The following ERBB4 variants were observed in gnomAD, a reference collection of about 807,000 sequenced individuals.
The protein encoded by ERBB4 is erb-b2 receptor tyrosine kinase 4.
Under a neutral mutation model 158.0 loss-of-function variants are expected in ERBB4, and 42 were observed. The ratio of observed to expected loss-of-function variants is 0.27; its 90% CI spans 0.21 to 0.34. The LOEUF (loss-of-function observed/expected upper bound fraction) is 0.34, where lower values mean the gene tolerates loss of function less well. Among genes scored for constraint, ERBB4 ranks in the 10% least tolerant of loss-of-function variants. The pLI is 1.00. For synonymous variants in ERBB4, 583 were observed against 558.7 expected (o/e 1.04, Z -0.61); for missense variants, 1,333 against 1,624.1 (o/e 0.82, Z 3.08).
At chr2:211,551,114 A>G (rs1209089073) in intron 20 of ERBB4, among the ~76,000 whole-genome samples, 1 of 152,166 alleles carries the variant, frequency 6.6e-6, no homozygotes, top group East Asian at 1.9e-4. Flanking sequence ...GAAATAATCA[A>G]TGACTTGTCC....
chr2:212,027,350 G>C (rs1370520370), intron 2 of ERBB4, among the ~76,000 whole-genome samples: 1 of 151,948 alleles, frequency 6.6e-6, no homozygotes, highest in Non-Finnish European at 1.5e-5. Context: ...GAAAATCAAA[G>C]GTGCATAAGT....
chr2:211,748,396 C>T (rs76010379), intron 5 of ERBB4, among the ~76,000 whole-genome samples: 2,298 of 152,184 alleles, frequency 0.015, 68 homozygotes, highest in African/African-American at 0.052. Flanking sequence ...CTGAAAGTAA[C>T]GCAAGAGGCA....
At chr2:211,590,908 C>A (rs2068441648) in intron 19 of ERBB4, among the ~76,000 whole-genome samples, 1 of 152,158 alleles carries the variant, frequency 6.6e-6, no homozygotes, top group Non-Finnish European at 1.5e-5. Flanking sequence ...GGAAGAGCAG[C>A]AACTTAAAAA....
At chr2:211,705,667 C>T (rs2073411161) in intron 9 of ERBB4, among the ~76,000 whole-genome samples, 1 of 152,152 alleles carries the variant, frequency 6.6e-6, no homozygotes, top group Admixed American at 6.5e-5. Flanking sequence ...CCAAAGACAG[C>T]AAGCTCATGT....
intron 4 of ERBB4, among the ~76,000 whole-genome samples, chr2:211,768,743 C>A (rs2075618730): frequency 6.6e-6 from 1 of 151,840 alleles, no homozygotes; most frequent in Admixed American, 6.6e-5. Context: ...CTGGGACCAG[C>A]CCATGAAACC....
At chr2:212,478,853 C>T (rs1451222757) in intron 1 of ERBB4, among the ~76,000 whole-genome samples, 1 of 152,096 alleles carries the variant, frequency 6.6e-6, no homozygotes, top group Non-Finnish European at 1.5e-5. Context: ...TGCATCTCTC[C>T]CCAAATCTCC....
chr2:212,252,423 T>G (rs1293008226), intron 1 of ERBB4, among the ~76,000 whole-genome samples: 1 of 152,036 alleles, frequency 6.6e-6, no homozygotes, highest in African/African-American at 2.4e-5. Context: ...ATGCTGCTGA[T>G]AGATCAACGA....
intron 3 of ERBB4, among the ~76,000 whole-genome samples, chr2:211,864,627 C>T (rs1438025818): frequency 6.6e-6 from 1 of 152,120 alleles, no homozygotes; most frequent in East Asian, 1.9e-4. Flanking sequence ...ATCATACATA[C>T]AGTGAATCCT....
intron 1 of ERBB4, among the ~76,000 whole-genome samples, chr2:212,304,014 T>C (rs1309829454): frequency 6.6e-6 from 1 of 151,612 alleles, no homozygotes; most frequent in African/African-American, 2.4e-5. Context: ...TTCCTTCTTT[T>C]ATACTTATGC....
chr2:211,640,274 C>T (rs7369560), intron 16 of ERBB4, among the ~76,000 whole-genome samples: 130,674 of 152,074 alleles, frequency 0.86, 57,812 homozygotes, highest in East Asian at 1. Context: ...GCTGGTAGCC[C>T]TTTTTCCTGC....
chr2:211,876,830 A>T (rs912853372), intron 3 of ERBB4, among the ~76,000 whole-genome samples: 1 of 152,194 alleles, frequency 6.6e-6, no homozygotes, highest in Non-Finnish European at 1.5e-5. Context: ...ATCAGTTTTT[A>T]AAATGTTTTT....
At chr2:212,240,662 A>AAAAAACAAAAAC (rs2084062875) in intron 1 of ERBB4, among the ~76,000 whole-genome samples, 7 of 147,358 alleles carry the variant, frequency 4.8e-5, no homozygotes, top group African/African-American at 1.5e-4. Flanking sequence ...AAAAAAAAAA[A>AAAAAACAAAAAC]AAAAACAGAA....
intron 1 of ERBB4, among the ~76,000 whole-genome samples, chr2:212,347,178 G>C (rs528556066): frequency 2.6e-5 from 4 of 152,214 alleles, no homozygotes; most frequent in Admixed American, 2.6e-4. Context: ...TTTTTGTAGA[G>C]ATTTGATATG....
At chr2:211,696,387 A>G (rs1289810904) in intron 12 of ERBB4, among the ~76,000 whole-genome samples, 1 of 152,104 alleles carries the variant, frequency 6.6e-6, no homozygotes, top group African/African-American at 2.4e-5. Flanking sequence ...CTAGGATTAC[A>G]GGTTTTAGCC....
At chr2:212,024,449 G>A (rs2076728056) in intron 2 of ERBB4, among the ~76,000 whole-genome samples, 1 of 151,820 alleles carries the variant, frequency 6.6e-6, no homozygotes, top group African/African-American at 2.4e-5. Flanking sequence ...GGAACACAAA[G>A]AAAATCCCTT....
At chr2:211,792,094 G>GA (rs1406732445) in intron 3 of ERBB4, among the ~76,000 whole-genome samples, 1 of 151,530 alleles carries the variant, frequency 6.6e-6, no homozygotes, top group Non-Finnish European at 1.5e-5. Flanking sequence ...ATTGTGTATG[G>GA]AAAAAAAGTA....
At chr2:212,128,270 G>C (rs1345964893) in intron 1 of ERBB4, among the ~76,000 whole-genome samples, 1 of 152,052 alleles carries the variant, frequency 6.6e-6, no homozygotes, top group Non-Finnish European at 1.5e-5. Flanking sequence ...CTGGACACAT[G>C]GTCACCCAAA....
At chr2:211,661,895 C>T (rs1001979212) in intron 15 of ERBB4, among the ~76,000 whole-genome samples, 2 of 148,946 alleles carry the variant, frequency 1.3e-5, no homozygotes, top group Non-Finnish European at 3.0e-5. Context: ...AAAAATTAGC[C>T]GGGCGTAGTG....
At chr2:211,976,933 T>C (rs1315052249) in intron 2 of ERBB4, among the ~76,000 whole-genome samples, 1 of 152,196 alleles carries the variant, frequency 6.6e-6, no homozygotes, top group Non-Finnish European at 1.5e-5. Context: ...CTTAGAAAGT[T>C]GCTTAATTCC....
Sources: gnomAD v4.1 joint callset for allele counts (sites outside exome capture counted in the v4.1 genomes callset) on GRCh38, gnomAD v4.1.1 for gene constraint, MANE v1.5 for transcripts, NCBI Gene and HGNC (gene_info 2026-07-23, HGNC 2026-07-21) for gene names.